The following POMGNT2 variants were observed in gnomAD, a reference collection of about 807,000 sequenced individuals.
The protein encoded by POMGNT2 is protein O-linked-mannose beta-1,4-N-acetylglucosaminyltransferase 2.
POMGNT2 carries 32 observed loss-of-function variants against 37.8 expected under a neutral mutation model. The ratio of observed to expected loss-of-function variants is 0.85; its 90% CI spans 0.64 to 1.14. The LOEUF (loss-of-function observed/expected upper bound fraction) is 1.14, where lower values mean the gene tolerates loss of function less well. Ranked by LOEUF, POMGNT2 falls within the 50% of genes most tolerant of loss-of-function variation. The pLI, the probability that POMGNT2 is intolerant of heterozygous loss-of-function variation, is 0.00. For missense variants in POMGNT2, 705 were observed against 780.6 expected, an observed-to-expected ratio of 0.90 and a Z score of 1.15; for synonymous variants, 340 against 336.8, an observed-to-expected ratio of 1.01 and a Z score of -0.10.
Position 43,080,930 on chromosome 3 carries a change from A to G in POMGNT2, c.502T>C (p.Phe168Leu). 2 of 1,614,188 alleles carry G rather than the reference A, an allele frequency of 1.2e-6. No homozygotes were observed. Among genetic ancestry groups the G allele is most frequent in the Non-Finnish European group, 1.7e-6 (2 of 1,180,028 alleles). Residue 168 changes from phenylalanine (F) to leucine (L), a missense_variant, in exon 2 of 2, where the codon TTT becomes CTT. Coordinates refer to ENST00000344697, the MANE Select transcript of POMGNT2 (RefSeq NM_032806.6). ...AAGAGTGGCAGCAGGTCGTCATGAA[A>G]GACGTGCATGAGGTTGTCGGGGTTG... ...RFNPDNLMHV[F>L]HDDLLPLFYT...
At chr3:43,099,376 T>C (rs2090001322) in intron 1 of POMGNT2, among the ~76,000 whole-genome samples, 1 of 152,128 alleles carries the variant, frequency 6.6e-6, no homozygotes, top group Non-Finnish European at 1.5e-5. Context: ...TTGGTGGTGA[T>C]GGAGGATAAG....
intron 1 of POMGNT2, among the ~76,000 whole-genome samples, chr3:43,101,652 G>A (rs1260031090): frequency 6.6e-6 from 1 of 152,104 alleles, no homozygotes; most frequent in Non-Finnish European, 1.5e-5. Flanking sequence ...CTGCTCTGAG[G>A]TTCTTCTAAC....
At chr3:43,095,372 C>G (rs1341269630) in intron 1 of POMGNT2, among the ~76,000 whole-genome samples, 4 of 152,236 alleles carry the variant, frequency 2.6e-5, no homozygotes, top group Non-Finnish European at 5.9e-5. Flanking sequence ...CCACTGCCCT[C>G]TGGGCTTACA....
At chr3:43,086,473 T>C (rs1418833369) in intron 1 of POMGNT2, among the ~76,000 whole-genome samples, 2 of 152,200 alleles carry the variant, frequency 1.3e-5, no homozygotes. Context: ...TGTTCTGCTT[T>C]ACTTCACTGC....
chr3:43,106,007 G>C lies in POMGNT2; in HGVS notation c.-277C>G, dbSNP rs895167927. The stretch of plus-strand genomic sequence containing the variant: ...TTGGCCGCGCCGCCGGGTTCGCAGC[G>C]ACCGCCACCTCCAGGCTCGCAGGTG... On this transcript the variant is annotated 5_prime_UTR_variant, in exon 1 of 2. Coordinates refer to ENST00000344697, the MANE Select transcript of POMGNT2 (RefSeq NM_032806.6). The C allele has an allele frequency of 6.6e-6, 1 of 151,732 alleles. No individual in the cohort carries two copies. The highest frequency in any genetic ancestry group is 2.0e-4 in the East Asian group (1 of 5,094). The allele number at this position is 151,732 out of a possible 1,614,324, so 9.4% of individuals were successfully genotyped here.
chr3:43,080,592 T>TAGGC lies in POMGNT2; in HGVS notation c.839_840insGCCT (p.Gly281ProfsTer14). On this transcript the variant is annotated frameshift_variant, in exon 2 of 2. Coordinates refer to ENST00000344697, the MANE Select transcript of POMGNT2 (RefSeq NM_032806.6). LOFTEE classifies it high-confidence loss of function. ...TGTACTCCTCGCCTAGGGGGACTCC[T>TAGGC]GTGTGGCTCACGTTCAGCTTTTCTG... 1 of 1,614,226 alleles carries TAGGC rather than the reference T, an allele frequency of 6.2e-7. No homozygotes were observed.
intron 1 of POMGNT2, among the ~76,000 whole-genome samples, chr3:43,099,107 C>A (rs2089999482): frequency 6.6e-6 from 1 of 152,108 alleles, no homozygotes; most frequent in African/African-American, 2.4e-5. Context: ...CACGCCTACA[C>A]CAGGTTTTCT....
chr3:43,088,580 G>A (rs1325505271), intron 1 of POMGNT2, among the ~76,000 whole-genome samples: 3 of 152,232 alleles, frequency 2.0e-5, no homozygotes, highest in Admixed American at 2.0e-4. Flanking sequence ...ACTGTCAGCA[G>A]AGCCTACTTC....
rs1344243425 is a variant in POMGNT2, at chr3:43,081,165, C to T, written c.267G>A (p.Glu89=). Residue 89 remains glutamate, a synonymous_variant, in exon 2 of 2, where the codon GAG becomes GAA. Coordinates refer to ENST00000344697, the MANE Select transcript of POMGNT2 (RefSeq NM_032806.6). The part of the protein sequence containing the change: ...CRFKWLCYSN[E]AEEFIFFHGN... Reference sequence around the variant, plus strand: ...CATGGAAGAAGATGAACTCCTCAGCCTCGTTGGAGTAGCAGAGCCACTTGA... The same window carrying T: ...CATGGAAGAAGATGAACTCCTCAGCTTCGTTGGAGTAGCAGAGCCACTTGA... 1.2e-6 allele frequency: 2 copies of T among 1,614,228 alleles called. No homozygotes were observed. The highest frequency in any genetic ancestry group is 8.5e-7 in the Non-Finnish European group (1 of 1,180,042).
At chr3:43,083,540 G>T (rs536075726) in intron 1 of POMGNT2, among the ~76,000 whole-genome samples, 1 of 152,294 alleles carries the variant, frequency 6.6e-6, no homozygotes, top group Non-Finnish European at 1.5e-5. Flanking sequence ...TAGTGTTTTT[G>T]AGTATATCCC....
In POMGNT2 at chr3:43,098,485, C is replaced by G. The variant is rs1320998571; in HGVS notation, c.-106+7351G>C. ...GGCATTTATAGATCAGGTTTTCTGA[C>G]CAAGGTATTTATCCTTTGGCAAAAT... On this transcript the variant is annotated intron_variant, in intron 1 of 1. Transcript: ENST00000344697. This position sits in a 1 kb window ranked among gnomAD's most constrained non-coding sequence, Gnocchi z 4.3. 2.0e-5 allele frequency among the ~76,000 whole-genome samples: 3 copies of G among 152,142 alleles called. No individual in the cohort carries two copies. The highest frequency in any genetic ancestry group is 4.4e-5 in the Non-Finnish European group (3 of 68,042).
intron 1 of POMGNT2, among the ~76,000 whole-genome samples, chr3:43,102,606 C>T (rs2090027500): frequency 6.6e-6 from 1 of 152,212 alleles, no homozygotes; most frequent in Non-Finnish European, 1.5e-5. Context: ...TGTCTTAAGC[C>T]TTTTTCCTGA....
intron 1 of POMGNT2, among the ~76,000 whole-genome samples, chr3:43,091,465 A>G (rs2089942351): frequency 6.6e-6 from 1 of 152,250 alleles, no homozygotes; most frequent in Non-Finnish European, 1.5e-5. Context: ...TCTTCCTTAG[A>G]GAATTCCAAT....
At chr3:43,085,444 G>A (rs964846985) in intron 1 of POMGNT2, among the ~76,000 whole-genome samples, 6 of 152,018 alleles carry the variant, frequency 3.9e-5, no homozygotes, top group African/African-American at 7.2e-5. Context: ...TGCTGTTCTC[G>A]TGATAGTGAA....
At chr3:43,085,030 G>A (rs2089886012) in intron 1 of POMGNT2, among the ~76,000 whole-genome samples, 1 of 151,866 alleles carries the variant, frequency 6.6e-6, no homozygotes, top group African/African-American at 2.4e-5. Context: ...GGGCGGGGGT[G>A]GGCATCCAGG....
At position 43,080,966 on chromosome 3, in the gene POMGNT2, C is replaced by A. The variant is rs145184880; in HGVS notation, c.466G>T (p.Ala156Ser). ...AGGTTGTCGGGGTTGAAGCGGTTGGCGATGAGGGCCACGTCTGGCACGAAC... is the reference window on the plus strand; with the variant it reads ...AGGTTGTCGGGGTTGAAGCGGTTGGAGATGAGGGCCACGTCTGGCACGAAC... ...PVFVPDVALI[A>S]NRFNPDNLMH... Residue 156 changes from alanine (A) to serine (S), a missense_variant, in exon 2 of 2, where the codon GCC becomes TCC. Transcript: ENST00000344697. 5.0e-6 allele frequency: 8 copies of A among 1,614,046 alleles called. No homozygotes were observed. The African/African-American group carries it at 1.1e-4, about 22-fold the overall frequency.
In POMGNT2 at chr3:43,080,023, C is replaced by A; in HGVS notation, c.1409G>T (p.Gly470Val). 6.2e-7 allele frequency: 1 copy of A among 1,613,900 alleles called. No homozygotes were observed. The highest frequency in any genetic ancestry group is 8.5e-7 in the Non-Finnish European group (1 of 1,180,046). ...GACTGTCCACTTCTGCTTCCGTGGT[C>A]CTGGCCGGCCCTTCACCACGCGCCG... ...TIRRVVKGRP[G>V]PRKQKWTVGL... The change falls in exon 2 of 2, where the codon GGA becomes GTA. Residue 470 changes from glycine to valine, a missense_variant. Physicochemically the swap from Gly to Val is moderately radical, Grantham distance 109. Coordinates refer to ENST00000344697, the MANE Select transcript of POMGNT2 (RefSeq NM_032806.6).
intron 1 of POMGNT2, chr3:43,087,331 C>G (rs2089905205): frequency 6.6e-6 from 1 of 152,240 alleles, no homozygotes; most frequent in Non-Finnish European, 1.5e-5. Flanking sequence ...AGGAATTCCA[C>G]TGCTACAAAG....
intron 1 of POMGNT2, among the ~76,000 whole-genome samples, chr3:43,091,164 A>G (rs2089940343): frequency 6.6e-6 from 1 of 152,172 alleles, no homozygotes; most frequent in Non-Finnish European, 1.5e-5. Flanking sequence ...TTTCTCTACA[A>G]AAAGGAACCA....
Sources: allele counts gnomAD v4.1 joint callset (sites outside exome capture counted in the v4.1 genomes callset), GRCh38; gene constraint gnomAD v4.1.1; non-coding constraint Gnocchi (gnomAD v3.1); transcripts MANE v1.5; gene names NCBI Gene and HGNC (gene_info 2026-07-23, HGNC 2026-07-21).